The following PIK3C3 variants were observed in gnomAD, a reference collection of about 807,000 sequenced individuals.
The protein encoded by PIK3C3 is PI3-kinase type 3.
A neutral mutation model predicts 126.1 loss-of-function variants in PIK3C3; 95 were observed. The observed-to-expected ratio is 0.75, with a 90% confidence interval of 0.64 to 0.89. The LOEUF (loss-of-function observed/expected upper bound fraction) is 0.89. Among genes scored for constraint, PIK3C3 ranks in the 40% least tolerant of loss-of-function variants. The pLI, the probability that PIK3C3 is intolerant of heterozygous loss-of-function variation, is 0.00. For synonymous variants in PIK3C3, 374 were observed against 360.0 expected (o/e 1.04, Z -0.44); for missense variants, 829 against 1,063.2 (o/e 0.78, Z 3.06).
chr18:41,988,015 C>T (rs964720448), intron 5 of PIK3C3, 117 bp downstream of exon 5: 1 of 592,974 alleles, frequency 1.7e-6, no homozygotes, highest in Admixed American at 3.6e-5. Context: ...GGGTTAACCC[C>T]TGTAGCTGGG....
At chr18:42,045,362 T>C (rs993519043) in intron 20 of PIK3C3, among the ~76,000 whole-genome samples, 1 of 152,244 alleles carries the variant, frequency 6.6e-6, no homozygotes, top group Non-Finnish European at 1.5e-5. Flanking sequence ...ATTTCTCTTC[T>C]GTTTTTCTCA....
intron 23 of PIK3C3, among the ~76,000 whole-genome samples, chr18:42,065,936 T>A (rs1985519351): frequency 6.6e-6 from 1 of 152,200 alleles, no homozygotes; most frequent in South Asian, 2.1e-4. Context: ...ATACCTTCTC[T>A]TTGTAATTCA....
chr18:42,012,461 A>G (rs1290368747), intron 10 of PIK3C3, among the ~76,000 whole-genome samples: 1 of 152,206 alleles, frequency 6.6e-6, no homozygotes, highest in East Asian at 1.9e-4. Context: ...TTTTCTGATT[A>G]TGAGTTTCAA....
chr18:41,991,029 G>A (rs1981750438), intron 6 of PIK3C3, among the ~76,000 whole-genome samples: 2 of 152,182 alleles, frequency 1.3e-5, no homozygotes, highest in Admixed American at 1.3e-4. Context: ...TACAATAGAT[G>A]CAAAATTAAG....
At chr18:41,992,063 T>C (rs986421313) in intron 6 of PIK3C3, among the ~76,000 whole-genome samples, 1 of 152,182 alleles carries the variant, frequency 6.6e-6, no homozygotes, top group South Asian at 2.1e-4. Context: ...TGATAGCAGA[T>C]GAAATAATAA....
intron 24 of PIK3C3, among the ~76,000 whole-genome samples, chr18:42,076,709 GCCC>G (rs1350658757): frequency 1.3e-5 from 2 of 152,150 alleles, no homozygotes; most frequent in African/African-American, 4.8e-5. Context: ...ATAATTTTCA[GCCC>G]AAATGCCTTG....
chr18:42,061,537 G>A lies in PIK3C3; in HGVS notation c.2433-3203G>A, dbSNP rs9961296. Among the ~76,000 whole-genome samples the A allele has an allele frequency of 3.6e-3, 553 of 152,120 alleles. 1 individual carries two copies. The highest frequency in any genetic ancestry group is 0.013 in the African/African-American group (524 of 41,506). ...GTGGAGGTTGCAGTGACCCGAGATC[G>A]TGCCACTGCACGCTAGTCTGGGTGA... On this transcript the variant is annotated intron_variant, in intron 22 of 24. Coordinates refer to ENST00000262039, the MANE Select transcript of PIK3C3 (RefSeq NM_002647.4).
intron 16 of PIK3C3, among the ~76,000 whole-genome samples, chr18:42,036,608 CCT>C: frequency 6.6e-6 from 1 of 151,648 alleles, no homozygotes; most frequent in Non-Finnish European, 1.5e-5. Context: ...TATGATTCCC[CCT>C]TTCTAAAAAG....
At chr18:42,022,124 G>A (rs1983351661) in intron 13 of PIK3C3, among the ~76,000 whole-genome samples, 1 of 152,124 alleles carries the variant, frequency 6.6e-6, no homozygotes, top group Non-Finnish European at 1.5e-5. Context: ...TAACTAAATT[G>A]GAGCACTCTT....
chr18:42,007,558 A>G (rs1341332092), intron 10 of PIK3C3, among the ~76,000 whole-genome samples: 2 of 152,190 alleles, frequency 1.3e-5, no homozygotes, highest in African/African-American at 2.4e-5. Flanking sequence ...TACTAAAATC[A>G]TATACATTCT....
At chr18:42,047,634 C>T (rs986936635) in intron 20 of PIK3C3, among the ~76,000 whole-genome samples, 1 of 152,120 alleles carries the variant, frequency 6.6e-6, no homozygotes, top group Non-Finnish European at 1.5e-5. Flanking sequence ...TTCATTCTAA[C>T]AGGATTTTCA....
chr18:41,976,149 A>G (rs2144323480), intron 4 of PIK3C3, among the ~76,000 whole-genome samples: 1 of 152,348 alleles, frequency 6.6e-6, no homozygotes, highest in South Asian at 2.1e-4. Context: ...TTTTCTGGTC[A>G]CATAATTAAT....
chr18:41,980,806 T>A (rs927785504), intron 4 of PIK3C3, among the ~76,000 whole-genome samples: 1 of 152,190 alleles, frequency 6.6e-6, no homozygotes, highest in Non-Finnish European at 1.5e-5. Context: ...TAAATGTATG[T>A]GTTTTAGAGG....
chr18:42,014,358 A>G (rs1982976133), intron 11 of PIK3C3, among the ~76,000 whole-genome samples: 1 of 152,192 alleles, frequency 6.6e-6, no homozygotes, highest in Non-Finnish European at 1.5e-5. Flanking sequence ...TATTATTTGA[A>G]TTAAAAGTTA....
rs1315651417 is a variant in PIK3C3 at position 42,012,123 on chromosome 18, G to GT, written c.1171-1317dup. Among the ~76,000 whole-genome samples the GT allele has an allele frequency of 1.3e-4, 20 of 151,570 alleles. 1 individual carries two copies. Among genetic ancestry groups the GT allele is most frequent in the Non-Finnish European group, 2.9e-5 (2 of 67,960 alleles). ...CAAAGACATGGAGTGAATGCATGCT[G>GT]TTGGAAAAATGATGCCAATAGACTG... On this transcript the variant is annotated intron_variant, in intron 10 of 24. Coordinates refer to ENST00000262039, the MANE Select transcript of PIK3C3 (RefSeq NM_002647.4).
At chr18:42,021,702 T>G (rs1256171336) in intron 13 of PIK3C3, among the ~76,000 whole-genome samples, 2 of 152,190 alleles carry the variant, frequency 1.3e-5, no homozygotes, top group Non-Finnish European at 2.9e-5. Context: ...TTGTAAAAGC[T>G]CACTACAGGT....
In PIK3C3 at chr18:41,996,635, TAGA is replaced by T; in HGVS notation, c.892-2_892del. 2.0e-6 allele frequency: 3 copies of T among 1,485,098 alleles called. No individual in the cohort carries two copies. Among genetic ancestry groups the T allele is most frequent in the Admixed American group, 2.0e-5 (1 of 49,084 alleles). The allele number at this position is 1,485,098 out of a possible 1,614,324, so 92.0% of individuals were successfully genotyped here. Reference sequence around the variant, plus strand: ...ATTAGTTCTTTTTCTTTTTTTGTTTTAGATTATTGTGAGTTATCCACCAACCAA... The same window carrying T: ...ATTAGTTCTTTTTCTTTTTTTGTTTTTTATTGTGAGTTATCCACCAACCAA... On this transcript the variant is annotated splice_acceptor_variant and coding_sequence_variant, in exon 9 of 25. Coordinates refer to ENST00000262039, the MANE Select transcript of PIK3C3 (RefSeq NM_002647.4). LOFTEE classifies it high-confidence loss of function.
chr18:42,044,064 A>ATC (rs1567997922), intron 20 of PIK3C3, among the ~76,000 whole-genome samples: 1 of 152,186 alleles, frequency 6.6e-6, no homozygotes, highest in Non-Finnish European at 1.5e-5. Flanking sequence ...ATCACAGTTT[A>ATC]TCTCTTCCTG....
At chr18:42,076,135 T>TGCAC (rs1210498198) in intron 24 of PIK3C3, among the ~76,000 whole-genome samples, 1 of 92,784 alleles carries the variant, frequency 1.1e-5, no homozygotes, top group African/African-American at 6.5e-5. Context: ...CATATATATA[T>TGCAC]ATATATATGC....
Sources: gnomAD v4.1 joint callset for allele counts (sites outside exome capture counted in the v4.1 genomes callset) on GRCh38, gnomAD v4.1.1 for gene constraint, MANE v1.5 for transcripts, NCBI Gene and HGNC (gene_info 2026-07-23, HGNC 2026-07-21) for gene names.